MYPN: variants seen among roughly 807,000 people sequenced by gnomAD.
MYPN encodes the protein myopalladin.
In MYPN, 63 loss-of-function variants were observed where a neutral mutation model predicts 129.4. The observed-to-expected ratio is 0.49, with a 90% CI of 0.40 to 0.60. The LOEUF is 0.60. Ranked by LOEUF, MYPN falls within the 20% of genes least tolerant of loss-of-function variation. MYPN has a pLI of 0.00. For missense variants in MYPN, 1,596 were observed against 1,635.4 expected (o/e 0.98, Z 0.42); for synonymous variants, 629 against 600.9 (o/e 1.05, Z -0.68).
rs774050479 is a variant in MYPN at position 68,210,503 on chromosome 10, A to G, written c.*48A>G. 2.4e-5 allele frequency: 39 copies of G among 1,607,736 alleles called. No individual in the cohort carries two copies. The highest frequency in any genetic ancestry group is 5.3e-5 in the African/African-American group (4 of 74,842). On this transcript the variant is annotated 3_prime_UTR_variant, in exon 20 of 20. Coordinates refer to ENST00000358913, the MANE Select transcript of MYPN (RefSeq NM_032578.4). Reference sequence around the variant, plus strand: ...TAAGAGAGCGGACTGTGGAGGGGGAATGAGAACAAGCCAGACTTGGTGGTT... The same window carrying G: ...TAAGAGAGCGGACTGTGGAGGGGGAGTGAGAACAAGCCAGACTTGGTGGTT...
chr10:68,144,865 C>A (rs2042635860), intron 3 of MYPN, among the ~76,000 whole-genome samples: 1 of 152,128 alleles, frequency 6.6e-6, no homozygotes, highest in Non-Finnish European at 1.5e-5. Flanking sequence ...CCAAAGGCAT[C>A]AGCAGGTGTT....
chr10:68,091,648 A>G (rs1751269528), intron 1 of MYPN, among the ~76,000 whole-genome samples: 1 of 151,438 alleles, frequency 6.6e-6, no homozygotes, highest in South Asian at 2.1e-4. Context: ...GCCCCCACTT[A>G]GCCTCCCAAA....
At chr10:68,131,042 C>T (rs1039287991) in intron 2 of MYPN, among the ~76,000 whole-genome samples, 1 of 152,094 alleles carries the variant, frequency 6.6e-6, no homozygotes, top group Non-Finnish European at 1.5e-5. Context: ...GGATTTTTGG[C>T]CTTTCTTGCT....
At chr10:68,184,057 C>T (rs2043381818) in intron 12 of MYPN, among the ~76,000 whole-genome samples, 1 of 152,098 alleles carries the variant, frequency 6.6e-6, no homozygotes, top group Non-Finnish European at 1.5e-5. Flanking sequence ...CAGAATACTT[C>T]TCCATTTTGG....
intron 18 of MYPN, among the ~76,000 whole-genome samples, chr10:68,205,294 C>G (rs1481373387): frequency 6.6e-6 from 1 of 152,072 alleles, no homozygotes; most frequent in Non-Finnish European, 1.5e-5. Flanking sequence ...CGACATTACT[C>G]TAGCATTTGT....
At chr10:68,102,122 CTTTTTTTTT>C (rs35930233), upstream of MYPN, among the ~76,000 whole-genome samples, 1 of 108,444 alleles carries the variant, frequency 9.2e-6, no homozygotes, top group African/African-American at 4.0e-5. Context: ...TTTCTCTCTC[CTTTTTTTTT>C]TTTTTTTTTT....
intron 6 of MYPN, among the ~76,000 whole-genome samples, chr10:68,153,713 A>G (rs939854979): frequency 6.6e-6 from 1 of 152,222 alleles, no homozygotes; most frequent in Non-Finnish European, 1.5e-5. Context: ...AGTCACTGCC[A>G]GTGTCATTAG....
intron 19 of MYPN, among the ~76,000 whole-genome samples, chr10:68,208,299 G>A (rs1259646993): frequency 6.6e-6 from 1 of 152,078 alleles, no homozygotes; most frequent in Non-Finnish European, 1.5e-5. Flanking sequence ...TTGCATAGCA[G>A]GTATTCCCTT....
chr10:68,091,885 C>T (rs926985854), intron 1 of MYPN, among the ~76,000 whole-genome samples: 2 of 151,242 alleles, frequency 1.3e-5, no homozygotes, highest in African/African-American at 2.4e-5. Context: ...AAAAATCACC[C>T]GTAATTCTGC....
chr10:68,102,200 C>T (rs2041985259), upstream of MYPN, among the ~76,000 whole-genome samples: 1 of 143,290 alleles, frequency 7.0e-6, no homozygotes, highest in Non-Finnish European at 1.5e-5. Context: ...ACAATCAAAG[C>T]TCATTGCAGC....
At chr10:68,142,819 G>A (rs2042597600) in intron 2 of MYPN, 121 bp from the exon 3 acceptor site, 4 of 943,174 alleles carry the variant, frequency 4.2e-6, no homozygotes, top group Admixed American at 1.7e-5. Flanking sequence ...TATAATGATG[G>A]AGTTTTTTGT....
intron 2 of MYPN, among the ~76,000 whole-genome samples, chr10:68,140,767 T>C (rs1333532388): frequency 5.3e-5 from 8 of 152,218 alleles, no homozygotes; most frequent in African/African-American, 1.9e-4. Flanking sequence ...TTTTCTTCAG[T>C]GTGCTTTAGA....
At chr10:68,119,555 C>T (rs1175097733) in intron 1 of MYPN, among the ~76,000 whole-genome samples, 3 of 151,972 alleles carry the variant, frequency 2.0e-5, no homozygotes, top group Non-Finnish European at 4.4e-5. Flanking sequence ...GAATTACAGG[C>T]GCCCACCACC....
chr10:68,135,638 A>C, intron 2 of MYPN: 1 of 261,654 alleles, frequency 3.8e-6, no homozygotes, highest in Non-Finnish European at 5.9e-6. Flanking sequence ...CTGGTGCACA[A>C]GCCTTCTTGA....
chr10:68,184,385 T>G (rs2043387092), intron 12 of MYPN, among the ~76,000 whole-genome samples: 1 of 152,076 alleles, frequency 6.6e-6, no homozygotes, highest in Non-Finnish European at 1.5e-5. Context: ...TTTACCAGAG[T>G]AAACACGAGG....
At chr10:68,202,873 G>A (rs970976396) in intron 18 of MYPN, among the ~76,000 whole-genome samples, 2 of 152,092 alleles carry the variant, frequency 1.3e-5, no homozygotes, top group Non-Finnish European at 2.9e-5. Flanking sequence ...TTGGGATTGT[G>A]GGGGTGTGGG....
At chr10:68,114,347 C>A (rs202213220) in intron 1 of MYPN, 1 of 135,568 alleles carries the variant, frequency 7.4e-6, no homozygotes, top group Admixed American at 7.5e-5. Flanking sequence ...TTTTTTTTTT[C>A]TTTTTTTTTT....
At chr10:68,102,065 G>T (rs1395885396), upstream of MYPN, among the ~76,000 whole-genome samples, 1 of 146,128 alleles carries the variant, frequency 6.8e-6, no homozygotes, top group Admixed American at 6.8e-5. Flanking sequence ...AAAATATTTG[G>T]TTTTCATTAA....
intron 2 of MYPN, among the ~76,000 whole-genome samples, chr10:68,132,155 G>A (rs1348406863): frequency 6.6e-6 from 1 of 152,132 alleles, no homozygotes; most frequent in Non-Finnish European, 1.5e-5. Context: ...GTAGGATTTT[G>A]TTGTAAGTTC....
Sources: gnomAD v4.1 joint callset for allele counts (sites outside exome capture counted in the v4.1 genomes callset) on GRCh38, gnomAD v4.1.1 for gene constraint, MANE v1.5 for transcripts, NCBI Gene and HGNC (gene_info 2026-07-23, HGNC 2026-07-21) for gene names.